TEF: variants seen among roughly 807,000 people sequenced by gnomAD.
TEF encodes thyrotroph embryonic factor.
Under a neutral mutation model 20.8 loss-of-function variants are expected in TEF, and 3 were observed. That is an observed-to-expected ratio of 0.14 (90% CI 0.07 to 0.37). The LOEUF is 0.37. TEF is among the 10% of genes least tolerant of loss of function. TEF has a pLI of 1.00. For synonymous variants in TEF, 180 were observed against 171.1 expected (o/e 1.05, Z -0.41); for missense variants, 296 against 397.9 (o/e 0.74, Z 2.18).
intron 3 of TEF, among the ~76,000 whole-genome samples, chr22:41,395,482 G>A (rs1174262273): frequency 6.6e-6 from 1 of 152,122 alleles, no homozygotes; most frequent in Non-Finnish European, 1.5e-5. Context: ...GCTTTGTGCT[G>A]GAGCAGCAGG....
upstream of TEF, among the ~76,000 whole-genome samples, chr22:41,381,130 T>C (rs1423934425): frequency 1.3e-5 from 2 of 152,238 alleles, no homozygotes; most frequent in Non-Finnish European, 2.9e-5. Context: ...CACCCCGCTC[T>C]AGGGCGGCCA....
intron 1 of TEF, chr22:41,369,257 C>A (rs2036853440): frequency 1.0e-6 from 1 of 985,362 alleles, no homozygotes; most frequent in Non-Finnish European, 1.2e-6. Context: ...CCGAAAAGTC[C>A]CCCTCCCTCA....
chr22:41,391,625 CT>C (rs74679714), intron 2 of TEF, among the ~76,000 whole-genome samples: 327 of 129,308 alleles, frequency 2.5e-3, no homozygotes, highest in Admixed American at 2.5e-3. Context: ...CGGCATCTGA[CT>C]TTTTTTTTTT....
At chr22:41,381,858 G>A, upstream of TEF, 1 of 1,217,916 alleles carries the variant, frequency 8.2e-7, no homozygotes, top group Non-Finnish European at 1.0e-6. Flanking sequence ...AAGCTGGCCT[G>A]GCCTCATGAA....
upstream of TEF, among the ~76,000 whole-genome samples, chr22:41,379,509 A>G (rs1299365488): frequency 6.6e-6 from 1 of 151,490 alleles, no homozygotes; most frequent in East Asian, 2.0e-4. Context: ...CTCCGTCTCA[A>G]AAACAAAAAA....
chr22:41,382,209 C>CG lies in TEF; in HGVS notation c.157+15dup, dbSNP rs749927279. 2.4e-4 allele frequency: 204 copies of CG among 833,012 alleles called. No homozygotes were observed. The highest frequency in any genetic ancestry group is 8.2e-4 in the South Asian group (14 of 17,082). 51.6% of individuals were successfully genotyped at this position (833,012 alleles called of 1,614,324 possible). On this transcript the variant is annotated intron_variant, in intron 1 of 3. Coordinates refer to ENST00000266304, the MANE Select transcript of TEF (RefSeq NM_003216.4). ...CGCGCGAGGCGCGCCTCGGTGAGGG[C>CG]GGGGGGGTGGTCCGCGCGGGCTGGG... is the stretch of plus-strand genomic sequence containing the variant.
chr22:41,369,600 G>A (rs372689693), intron 1 of TEF, among the ~76,000 whole-genome samples: 2 of 151,194 alleles, frequency 1.3e-5, no homozygotes, highest in Non-Finnish European at 2.9e-5. Context: ...AAAGCTGCCC[G>A]AATCTCCAGA....
intron 1 of TEF, among the ~76,000 whole-genome samples, chr22:41,368,115 T>C (rs1002177131): frequency 1.3e-5 from 2 of 152,058 alleles, no homozygotes; most frequent in African/African-American, 4.8e-5. Flanking sequence ...AAGCCCTGCG[T>C]TCCTAGGATA....
intron 1 of TEF, chr22:41,382,786 G>A: frequency 2.5e-6 from 1 of 407,998 alleles, no homozygotes; most frequent in South Asian, 1.8e-5. Flanking sequence ...AGCGGGTGGG[G>A]GGGGTGTGGG....
At chr22:41,372,960 G>A (rs912382409) in intron 1 of TEF, among the ~76,000 whole-genome samples, 1 of 152,154 alleles carries the variant, frequency 6.6e-6, no homozygotes, top group African/African-American at 2.4e-5. Context: ...GCTGCAGAAA[G>A]CAAGCAAGGG....
At chr22:41,367,536 G>A (rs373943477) in exon 1 of TEF, 4 of 1,551,118 alleles carry the variant, frequency 2.6e-6, no homozygotes, top group South Asian at 1.2e-5. Flanking sequence ...CCCTGCCATG[G>A]ACATGCCTGA....
chr22:41,397,943 A>C lies in TEF; in HGVS notation c.*1983A>C, dbSNP rs1281210686. Reference sequence around the variant, plus strand: ...TTTATTTTTTTAAGGATGGACACTAAATCTCTGGTGTCCATGTTCCGAGCC... The same window carrying C: ...TTTATTTTTTTAAGGATGGACACTACATCTCTGGTGTCCATGTTCCGAGCC... On this transcript the variant is annotated 3_prime_UTR_variant, in exon 4 of 4. Transcript: ENST00000266304. 6.6e-6 allele frequency: 1 copy of C among 152,136 alleles called. No homozygotes were observed. The highest frequency in any genetic ancestry group is 1.5e-5 in the Non-Finnish European group (1 of 68,038). The allele number at this position is 152,136 out of a possible 1,614,324, so 9.4% of individuals were successfully genotyped here.
At chr22:41,388,102 A>G (rs897349773) in intron 2 of TEF, among the ~76,000 whole-genome samples, 18 of 140,834 alleles carry the variant, frequency 1.3e-4, no homozygotes, top group South Asian at 8.7e-4. Flanking sequence ...GGTTCAATCA[A>G]TTCTCTGCCT....
intron 2 of TEF, among the ~76,000 whole-genome samples, chr22:41,387,983 C>CTTTTTT (rs530707936): frequency 0.015 from 739 of 50,126 alleles, 210 homozygotes; most frequent in Middle Eastern, 0.038. Flanking sequence ...CAATGCTGCT[C>CTTTTTT]TTTTTTTTTT....
intron 1 of TEF, among the ~76,000 whole-genome samples, chr22:41,383,429 A>C (rs1480457454): frequency 6.6e-6 from 1 of 152,198 alleles, no homozygotes; most frequent in African/African-American, 2.4e-5. Flanking sequence ...TGAAATTACC[A>C]GGTAATAACC....
At position 41,394,166 on chromosome 22, in the gene TEF, C is replaced by T. The variant is rs778231423; in HGVS notation, c.546C>T (p.Asn182=). 2.3e-4 allele frequency: 373 copies of T among 1,614,032 alleles called. No individual in the cohort carries two copies. Among genetic ancestry groups the T allele is most frequent in the Non-Finnish European group, 5.2e-5 (61 of 1,180,030 alleles). ...CCAATTGTGTGGAAGTGGATGTGAA[C>T]TTCAATCCGGACCCCGCCGACCTGG... ...IDPNCVEVDV[N]FNPDPADLVL... is the part of the protein sequence containing the mutation. The change falls in exon 3 of 4, where the codon AAC becomes AAT. Residue 182 remains asparagine, a synonymous_variant. Transcript: ENST00000266304.
intron 1 of TEF, chr22:41,382,922 G>A: frequency 2.1e-6 from 1 of 471,120 alleles, no homozygotes; most frequent in Non-Finnish European, 4.4e-6. Flanking sequence ...TGGGGCCACG[G>A]CGGCAGGACT....
intron 1 of TEF, among the ~76,000 whole-genome samples, chr22:41,385,621 G>A (rs2037088738): frequency 6.6e-6 from 1 of 152,156 alleles, no homozygotes. Flanking sequence ...AAAGGTCAGA[G>A]ACTCCATTTC....
chr22:41,386,570 G>A (rs1010759141), intron 1 of TEF, among the ~76,000 whole-genome samples: 3 of 151,374 alleles, frequency 2.0e-5, no homozygotes, highest in Admixed American at 6.6e-5. Flanking sequence ...GTGAAACTCC[G>A]TCTCTACTAA....
Sources: allele counts gnomAD v4.1 joint callset (sites outside exome capture counted in the v4.1 genomes callset), GRCh38; gene constraint gnomAD v4.1.1; transcripts MANE v1.5; gene names NCBI Gene and HGNC (gene_info 2026-07-23, HGNC 2026-07-21).